METTL24: variants seen among roughly 807,000 people sequenced by gnomAD.
METTL24 encodes the protein probable methyltransferase-like protein 24.
METTL24 carries 29 observed loss-of-function variants against 32.7 expected under a neutral mutation model. That is an observed-to-expected ratio of 0.89 (90% CI 0.66 to 1.21). The LOEUF (loss-of-function observed/expected upper bound fraction) is 1.21. Among genes scored for constraint, METTL24 ranks in the 50% most tolerant of loss-of-function variants. METTL24 has a pLI of 0.00. For synonymous variants in METTL24, 163 were observed against 179.5 expected (o/e 0.91, Z 0.73); for missense variants, 439 against 468.1 (o/e 0.94, Z 0.57).
intron 4 of METTL24, 56 bp from the exon 5 acceptor site, chr6:110,246,316 A>G: frequency 6.9e-7 from 1 of 1,455,610 alleles, no homozygotes; most frequent in African/African-American, 1.4e-5. Context: ...TCTTGATATC[A>G]GGAGTTTCAC....
At chr6:110,294,751 C>T (rs973416079) in intron 4 of METTL24, among the ~76,000 whole-genome samples, 6 of 151,942 alleles carry the variant, frequency 3.9e-5, no homozygotes, top group African/African-American at 1.4e-4. Context: ...GGAGAGCTAG[C>T]ATGGCAGAAC....
At chr6:110,298,789 G>T in intron 4 of METTL24, 133 bp downstream of exon 4, 1 of 721,436 alleles carries the variant, frequency 1.4e-6, no homozygotes, top group Non-Finnish European at 2.3e-6. Flanking sequence ...TATAAATAAT[G>T]TTGGGTGATT....
At chr6:110,317,535 T>C (rs1232554933) in intron 2 of METTL24, among the ~76,000 whole-genome samples, 1 of 152,124 alleles carries the variant, frequency 6.6e-6, no homozygotes, top group Non-Finnish European at 1.5e-5. Context: ...CCAGGGCAGC[T>C]GTGTGTGCCC....
intron 3 of METTL24, among the ~76,000 whole-genome samples, chr6:110,299,495 C>T (rs1288735607): frequency 2.6e-5 from 4 of 151,982 alleles, no homozygotes; most frequent in Non-Finnish European, 5.9e-5. Context: ...TAGAATATGT[C>T]CACAAATATA....
Position 110,322,852 on chromosome 6 carries a change from A to T in METTL24, c.339T>A (p.Asp113Glu). The T allele has an allele frequency of 6.2e-7, 1 of 1,613,846 alleles. No homozygotes were observed. The highest frequency in any genetic ancestry group is 8.5e-7 in the Non-Finnish European group (1 of 1,179,882). The change falls in exon 2 of 5, where the codon GAT (aspartate) becomes GAA (glutamate). Residue 113 changes from aspartate to glutamate, a missense_variant. Physicochemically the swap from Asp to Glu is conservative, Grantham distance 45. Coordinates refer to ENST00000338882, the MANE Select transcript of METTL24 (RefSeq NM_001123364.3). Reference sequence around the variant, plus strand: ...GAGCAGAGCCTGCCCAAGGCTGGAGATCTATATGCCACCGGGGACCCTGCA... The same window carrying T: ...GAGCAGAGCCTGCCCAAGGCTGGAGTTCTATATGCCACCGGGGACCCTGCA... ...PRRKGPRWHIDLQPWAGSAQS... is the reference protein window; with the variant it reads ...PRRKGPRWHIELQPWAGSAQS...
Position 110,358,015 on chromosome 6 carries a change from G to A in METTL24, c.258C>T (p.Gly86=), listed in dbSNP as rs1426084153. 6 of 1,150,322 alleles carry A rather than the reference G, an allele frequency of 5.2e-6. No individual in the cohort carries two copies. Among genetic ancestry groups the A allele is most frequent in the Non-Finnish European group, 6.4e-6 (6 of 936,234 alleles). 71.3% of individuals were successfully genotyped at this position (1,150,322 alleles called of 1,614,324 possible). ...VRSGRRAPPG[G]GGSGTPEPGC... ...CAGGCTCCGGCGTCCCGCTCCCGCC[G>A]CCCCCCGGCGGCGCCCGGCGACCGC... The change falls in exon 1 of 5, where the codon GGC becomes GGT. Residue 86 remains glycine, a synonymous_variant. Transcript: ENST00000338882.
intron 4 of METTL24, among the ~76,000 whole-genome samples, chr6:110,248,254 T>G (rs1022360394): frequency 6.6e-6 from 1 of 152,206 alleles, no homozygotes; most frequent in African/African-American, 2.4e-5. Flanking sequence ...GCCTTAGATA[T>G]TTCTTTATAG....
intron 4 of METTL24, among the ~76,000 whole-genome samples, chr6:110,267,373 C>G (rs1770874632): frequency 6.6e-6 from 1 of 152,220 alleles, no homozygotes; most frequent in Non-Finnish European, 1.5e-5. Context: ...AAACTTTCTA[C>G]ACAGAAAGAC....
chr6:110,274,254 A>C (rs548328564), intron 4 of METTL24, among the ~76,000 whole-genome samples: 11 of 152,162 alleles, frequency 7.2e-5, no homozygotes, highest in African/African-American at 2.4e-4. Flanking sequence ...CACTATGCCC[A>C]GCTAATTTTT....
At chr6:110,330,522 C>T (rs1203232527) in intron 1 of METTL24, among the ~76,000 whole-genome samples, 1 of 152,200 alleles carries the variant, frequency 6.6e-6, no homozygotes, top group East Asian at 1.9e-4. Flanking sequence ...ATTTGTAAAG[C>T]ACCTGGGCTC....
chr6:110,266,905 T>A (rs561709272), intron 4 of METTL24, among the ~76,000 whole-genome samples: 13 of 152,230 alleles, frequency 8.5e-5, no homozygotes, highest in Non-Finnish European at 1.6e-4. Flanking sequence ...CTCATAATGC[T>A]CTCATAGTAA....
intron 4 of METTL24, among the ~76,000 whole-genome samples, chr6:110,287,205 T>G (rs1771238132): frequency 6.6e-6 from 1 of 152,228 alleles, no homozygotes; most frequent in Non-Finnish European, 1.5e-5. Context: ...CCTTTATGGA[T>G]GAATTTTGGC....
Position 110,299,132 on chromosome 6 carries a change from G to A in METTL24, c.576C>T (p.Thr192=). The A allele has an allele frequency of 2.5e-6, 4 of 1,613,724 alleles. No individual in the cohort carries two copies. The East Asian group carries it at 8.9e-5, about 36-fold the overall frequency. ...TGTTGGCCATGCTAACCTCAAAATG[G>A]GTATCATCACTTCCTAGCCTATAAA... ...LYSLGLGSDD[T]HFEVSMANNG... is the part of the protein sequence containing the mutation. The change falls in exon 4 of 5, where the codon ACC becomes ACT. Residue 192 remains threonine (T), a synonymous_variant. Transcript: ENST00000338882.
At chr6:110,290,629 C>T (rs1562227163) in intron 4 of METTL24, among the ~76,000 whole-genome samples, 2 of 152,162 alleles carry the variant, frequency 1.3e-5, no homozygotes, top group African/African-American at 2.4e-5. Flanking sequence ...TATTTACAGA[C>T]ATTTGAGTTG....
intron 2 of METTL24, 34 bp downstream of exon 2, chr6:110,322,740 T>C (rs1283699217): frequency 6.4e-7 from 1 of 1,560,254 alleles, no homozygotes; most frequent in Non-Finnish European, 8.8e-7. Flanking sequence ...ATCTTTCACA[T>C]TCTTCTCTAA....
intron 1 of METTL24, among the ~76,000 whole-genome samples, chr6:110,343,705 A>G (rs1424498412): frequency 6.6e-6 from 1 of 152,234 alleles, no homozygotes; most frequent in Non-Finnish European, 1.5e-5. Flanking sequence ...GCCTAAGAAG[A>G]AAATACAGCC....
chr6:110,286,545 G>A (rs987197519), intron 4 of METTL24, among the ~76,000 whole-genome samples: 9 of 152,156 alleles, frequency 5.9e-5, no homozygotes, highest in African/African-American at 1.2e-4. Context: ...GCACACAGTC[G>A]TACAGCTGGG....
intron 4 of METTL24, among the ~76,000 whole-genome samples, chr6:110,266,674 T>C (rs577220791): frequency 1.7e-4 from 26 of 152,242 alleles, no homozygotes; most frequent in Middle Eastern, 3.4e-3. Context: ...GTCACTTCCT[T>C]TGGGCTGAAA....
intron 4 of METTL24, among the ~76,000 whole-genome samples, chr6:110,297,683 A>G (rs1318840080): frequency 6.6e-6 from 1 of 152,204 alleles, no homozygotes; most frequent in Non-Finnish European, 1.5e-5. Flanking sequence ...AAGTTCTGAA[A>G]AATGCTTCTG....
Sources: gnomAD v4.1 joint callset for allele counts (sites outside exome capture counted in the v4.1 genomes callset) on GRCh38, gnomAD v4.1.1 for gene constraint, MANE v1.5 for transcripts, NCBI Gene and HGNC (gene_info 2026-07-23, HGNC 2026-07-21) for gene names.